LRP1B: variants seen among roughly 807,000 people sequenced by gnomAD.
The protein encoded by LRP1B is low-density lipoprotein receptor-related protein 1B.
In LRP1B, 217 loss-of-function variants were observed where a neutral mutation model predicts 556.6. That is an observed-to-expected ratio of 0.39 (90% CI 0.35 to 0.44). The LOEUF is 0.44. LRP1B is among the 20% of genes least tolerant of loss of function. The pLI is 1.00. For synonymous variants in LRP1B, 2,047 were observed against 1,865.8 expected, an observed-to-expected ratio of 1.10 and a Z score of -2.50; for missense variants, 5,053 against 5,620.8, an observed-to-expected ratio of 0.90 and a Z score of 3.23.
intron 67 of LRP1B, 40 bp from the exon 68 acceptor site, chr2:140,378,326 G>A (rs778079125): frequency 3.7e-6 from 4 of 1,081,986 alleles, no homozygotes; most frequent in Non-Finnish European, 2.8e-6. Context: ...TCTATTATAT[G>A]TAAGTGCATT....
chr2:141,612,428 A>G (rs1688137836), intron 2 of LRP1B, among the ~76,000 whole-genome samples: 1 of 152,176 alleles, frequency 6.6e-6, no homozygotes, highest in Non-Finnish European at 1.5e-5. Context: ...ATCTTTTAAA[A>G]ATTAAACTAC....
intron 2 of LRP1B, among the ~76,000 whole-genome samples, chr2:141,702,316 T>A (rs1257796336): frequency 6.6e-6 from 1 of 151,848 alleles, no homozygotes; most frequent in African/African-American, 2.4e-5. Context: ...TAAGAATTTC[T>A]GGCAAACTAG....
chr2:140,446,361 A>G (rs769027933), intron 63 of LRP1B, among the ~76,000 whole-genome samples: 20 of 152,166 alleles, frequency 1.3e-4, no homozygotes, highest in Non-Finnish European at 2.8e-4. Flanking sequence ...CATTATTACA[A>G]ATTTGTGATG....
chr2:141,488,966 T>TG (rs1683220023), intron 2 of LRP1B, among the ~76,000 whole-genome samples: 3 of 36,866 alleles, frequency 8.1e-5, no homozygotes, highest in African/African-American at 1.2e-4. Flanking sequence ...CATGGGTTTG[T>TG]TTTTTTTTGT....
At chr2:141,746,424 A>G (rs1429159762) in intron 2 of LRP1B, among the ~76,000 whole-genome samples, 2 of 152,094 alleles carry the variant, frequency 1.3e-5, no homozygotes, top group East Asian at 1.9e-4. Flanking sequence ...CAGCTGTGAC[A>G]GGGCAGCACT....
chr2:141,012,960 A>G (rs148807855), intron 14 of LRP1B, among the ~76,000 whole-genome samples: 1 of 152,066 alleles, frequency 6.6e-6, no homozygotes, highest in African/African-American at 2.4e-5. Flanking sequence ...ATTCTGAGTA[A>G]TGCTATGTGT....
In LRP1B at chr2:141,936,906, G is replaced by GT. The variant is rs11312481; in HGVS notation, c.83-126506dup. Among the ~76,000 whole-genome samples the GT allele has an allele frequency of 7.2e-3, 1,033 of 143,226 alleles. 10 individuals carry two copies. Among genetic ancestry groups the GT allele is most frequent in the African/African-American group, 0.018 (692 of 39,278 alleles). The allele number at this position is 143,226 out of a possible 152,430, so 94.0% of individuals were successfully genotyped here. ...TTTTTAATAAAGCAAACACACATTA[G>GT]TTTTTTTTTTTTTCACTTTCCACCA... On this transcript the variant is annotated intron_variant, in intron 1 of 90. Transcript: ENST00000389484.
At chr2:140,745,303 T>C (rs10496854) in intron 35 of LRP1B, among the ~76,000 whole-genome samples, 8,022 of 152,194 alleles carry the variant, frequency 0.053, 515 homozygotes, top group East Asian at 0.22. Flanking sequence ...CTATACTAAA[T>C]TTAAAGTCAA....
At chr2:141,308,536 A>C (rs909215378) in intron 3 of LRP1B, among the ~76,000 whole-genome samples, 4 of 152,212 alleles carry the variant, frequency 2.6e-5, no homozygotes, top group Non-Finnish European at 5.9e-5. Flanking sequence ...TTCAGTAAAC[A>C]CAATGGATTC....
intron 2 of LRP1B, among the ~76,000 whole-genome samples, chr2:141,718,455 G>A (rs765736960): frequency 4.6e-5 from 7 of 152,070 alleles, no homozygotes; most frequent in Non-Finnish European, 2.9e-5. Flanking sequence ...CCCTGGTCCT[G>A]GGTTTTGGAA....
At chr2:140,517,372 A>C (rs1689952242) in intron 49 of LRP1B, among the ~76,000 whole-genome samples, 1 of 152,132 alleles carries the variant, frequency 6.6e-6, no homozygotes, top group South Asian at 2.1e-4. Context: ...GCCAAAGAAT[A>C]ATATTTGGGT....
chr2:141,855,133 G>A (rs771872346), intron 1 of LRP1B, among the ~76,000 whole-genome samples: 3 of 152,000 alleles, frequency 2.0e-5, no homozygotes, highest in Admixed American at 6.6e-5. Context: ...GACAGGTTGT[G>A]TGAACATAAG....
chr2:140,510,166 G>A (rs1253408041), intron 51 of LRP1B, 110 bp from the exon 52 acceptor site: 2 of 1,146,856 alleles, frequency 1.7e-6, no homozygotes, highest in Non-Finnish European at 2.5e-6. Flanking sequence ...TTGCTTATAA[G>A]GAGGCGATTG....
chr2:140,750,359 A>G (rs574672186), intron 35 of LRP1B, among the ~76,000 whole-genome samples: 1 of 152,198 alleles, frequency 6.6e-6, no homozygotes, highest in Non-Finnish European at 1.5e-5. Context: ...CAAATGTATA[A>G]AAGTTAACCA....
chr2:141,362,863 A>T (rs1338074287), intron 3 of LRP1B, among the ~76,000 whole-genome samples: 1 of 151,974 alleles, frequency 6.6e-6, no homozygotes, highest in African/African-American at 2.4e-5. Context: ...TCATCTTGGT[A>T]TGTATTTAAT....
At chr2:140,265,927 C>T (rs895833005) in intron 86 of LRP1B, among the ~76,000 whole-genome samples, 4 of 151,808 alleles carry the variant, frequency 2.6e-5, no homozygotes, top group Admixed American at 2.6e-4. Context: ...ATTTTAGTAC[C>T]ATGTGATTTA....
At chr2:141,385,707 T>C (rs1392809596) in intron 3 of LRP1B, among the ~76,000 whole-genome samples, 1 of 152,160 alleles carries the variant, frequency 6.6e-6, no homozygotes, top group East Asian at 1.9e-4. Flanking sequence ...ACTCACTTCC[T>C]ATTCCCTCAA....
chr2:141,202,384 C>T (rs1386628778), intron 6 of LRP1B, among the ~76,000 whole-genome samples: 1 of 152,092 alleles, frequency 6.6e-6, no homozygotes, highest in East Asian at 1.9e-4. Flanking sequence ...CATACACGTG[C>T]ATGTGTCTTT....
At position 140,613,352 on chromosome 2, in the gene LRP1B, A is replaced by AATTATATAAATATAAATATAT. The variant is rs1683139470; in HGVS notation, c.6800-11714_6800-11713insATATATTTATATTTATATAAT. On this transcript the variant is annotated intron_variant, in intron 41 of 90. Coordinates refer to ENST00000389484, the MANE Select transcript of LRP1B (RefSeq NM_018557.3). ...ATATAATTATATACATATAAATATA[A>AATTATATAAATATAAATATAT]ATAATTATATAAATATAAATATATA... Among the ~76,000 whole-genome samples, 7 of 88,854 alleles carry AATTATATAAATATAAATATAT rather than the reference A, an allele frequency of 7.9e-5. 3 individuals are homozygous for AATTATATAAATATAAATATAT. In the East Asian group the frequency reaches 2.1e-3, roughly 26 times the overall value. 58.3% of individuals were successfully genotyped at this position (88,854 alleles called of 152,430 possible). A position where few individuals can be genotyped will look rare whatever the true frequency, so the allele number is the denominator to read the frequency against.
Sources: gnomAD v4.1 joint callset for allele counts (sites outside exome capture counted in the v4.1 genomes callset) on GRCh38, gnomAD v4.1.1 for gene constraint, MANE v1.5 for transcripts, NCBI Gene and HGNC (gene_info 2026-07-23, HGNC 2026-07-21) for gene names.